SLBP: variants seen among roughly 807,000 people sequenced by gnomAD.
SLBP encodes the protein histone RNA hairpin-binding protein.
Under a neutral mutation model 39.2 loss-of-function variants are expected in SLBP, and 29 were observed. The observed-to-expected ratio is 0.74, with a 90% CI of 0.55 to 1.01. The LOEUF is 1.01. Among genes scored for constraint, SLBP ranks in the 50% least tolerant of loss-of-function variants. The pLI, the probability that SLBP is intolerant of heterozygous loss-of-function variation, is 0.00. For synonymous variants in SLBP, 129 were observed against 118.7 expected (o/e 1.09, Z -0.57); for missense variants, 390 against 350.2 (o/e 1.11, Z -0.91).
chr4:1,711,583 T>G (rs1716772546), intron 2 of SLBP, among the ~76,000 whole-genome samples: 1 of 152,216 alleles, frequency 6.6e-6, no homozygotes. Flanking sequence ...CACGAGAAGC[T>G]CGTCAGAGAC....
In SLBP at chr4:1,693,726, A is replaced by C. The variant is rs1476426774; in HGVS notation, c.697-13T>G. On this transcript the variant is annotated splice_polypyrimidine_tract_variant and intron_variant, in intron 7 of 7. Coordinates refer to ENST00000489418, the MANE Select transcript of SLBP (RefSeq NM_006527.4). Reference sequence around the variant, plus strand: ...CAGAGTACACATCCTGGAAAACAGAAGCATGGCTCGGTTGACATTCATCTC... The same window carrying C: ...CAGAGTACACATCCTGGAAAACAGACGCATGGCTCGGTTGACATTCATCTC... The C allele has an allele frequency of 4.5e-6, 7 of 1,551,038 alleles. No individual in the cohort carries two copies. The highest frequency in any genetic ancestry group is 1.4e-5 in the African/African-American group (1 of 73,662).
chr4:1,706,513 T>C (rs1716522451), intron 2 of SLBP, among the ~76,000 whole-genome samples: 1 of 152,154 alleles, frequency 6.6e-6, no homozygotes, highest in African/African-American at 2.4e-5. Flanking sequence ...TCAGTCAATA[T>C]TGGGAAATTT....
intron 6 of SLBP, among the ~76,000 whole-genome samples, 181 bp downstream of exon 6, chr4:1,696,021 C>A (rs1156357504): frequency 6.6e-6 from 1 of 152,162 alleles, no homozygotes; most frequent in Non-Finnish European, 1.5e-5. Flanking sequence ...GAAGCAAACT[C>A]TTCCTTCCAG....
chr4:1,710,892 A>C (rs1056664555), intron 2 of SLBP, among the ~76,000 whole-genome samples: 3 of 151,856 alleles, frequency 2.0e-5, no homozygotes, highest in African/African-American at 7.3e-5. Flanking sequence ...TCTACTACAA[A>C]TACAAAAAGT....
intron 2 of SLBP, among the ~76,000 whole-genome samples, chr4:1,708,910 T>C (rs760491711): frequency 1.2e-4 from 18 of 152,218 alleles, no homozygotes; most frequent in Non-Finnish European, 2.5e-4. Context: ...AAAACTTCCA[T>C]AACTTCTAAA....
intron 3 of SLBP, among the ~76,000 whole-genome samples, chr4:1,700,917 C>A (rs1308512040): frequency 6.6e-6 from 1 of 151,972 alleles, no homozygotes; most frequent in Non-Finnish European, 1.5e-5. Context: ...CTCTCAAAAT[C>A]TAAAATCCAC....
chr4:1,694,866 G>T (rs373018159), intron 6 of SLBP, 26 bp from the exon 7 acceptor site: 2 of 1,550,966 alleles, frequency 1.3e-6, no homozygotes, highest in Non-Finnish European at 1.8e-6. Context: ...CAACATGTGC[G>T]TCAGGCACTA....
rs769368040 is a variant in SLBP, at chr4:1,694,805, G to A, written c.665C>T (p.Ser222Phe). 6.2e-6 allele frequency: 10 copies of A among 1,613,846 alleles called. No individual in the cohort carries two copies. Among genetic ancestry groups the A allele is most frequent in the Non-Finnish European group, 7.6e-6 (9 of 1,179,720 alleles). Reference protein sequence around the residue: ...PVDLESAESSSEPQTSSQDDF... With the variant: ...PVDLESAESSFEPQTSSQDDF... ...ATCCTGAGAGCTGGTCTGGGGCTCG[G>A]AGCTGCTTTCTGCAGATTCAAGGTC... Residue 222 changes from serine to phenylalanine, a missense_variant, in exon 7 of 8, where the codon TCC becomes TTC. Ser to Phe is a radical substitution (Grantham distance 155). Transcript: ENST00000489418.
At chr4:1,700,811 C>T (rs1234661482) in intron 3 of SLBP, among the ~76,000 whole-genome samples, 1 of 152,114 alleles carries the variant, frequency 6.6e-6, no homozygotes, top group South Asian at 2.1e-4. Context: ...GCAATCCTCC[C>T]GCCTCAGCCT....
chr4:1,709,216 A>C (rs903080447), intron 2 of SLBP, among the ~76,000 whole-genome samples: 11 of 152,092 alleles, frequency 7.2e-5, no homozygotes, highest in Non-Finnish European at 1.6e-4. Context: ...GGCATGCGCC[A>C]CCATGCCCGA....
At position 1,693,455 on chromosome 4, in the gene SLBP, A is replaced by C. The variant is rs1715990793; in HGVS notation, c.*142T>G. ...TAAAATTAATGTTTCTTAAGAAAGT[A>C]AGGCAAAAATAATTCAGCATGAGCT... On this transcript the variant is annotated 3_prime_UTR_variant, in exon 8 of 8. Coordinates refer to ENST00000489418, the MANE Select transcript of SLBP (RefSeq NM_006527.4). 13 of 642,542 alleles carry C rather than the reference A, an allele frequency of 2.0e-5. No homozygotes were observed. In the South Asian group the frequency reaches 2.3e-4, roughly 11 times the overall value. The allele number at this position is 642,542 out of a possible 1,614,324, so 39.8% of individuals were successfully genotyped here. A position where few individuals can be genotyped will look rare whatever the true frequency, so the allele number is the denominator to read the frequency against.
intron 6 of SLBP, among the ~76,000 whole-genome samples, chr4:1,695,985 T>C (rs1266377664): frequency 6.6e-6 from 1 of 152,188 alleles, no homozygotes; most frequent in Non-Finnish European, 1.5e-5. Context: ...AGATTGACTT[T>C]GCTTGAAAAA....
In SLBP at chr4:1,693,557, C is replaced by T. The variant is rs376073141; in HGVS notation, c.*40G>A. The T allele has an allele frequency of 1.1e-4, 137 of 1,235,244 alleles. 1 individual carries two copies. The highest frequency in any genetic ancestry group is 8.3e-4 in the Middle Eastern group (4 of 4,836). 76.5% of individuals were successfully genotyped at this position (1,235,244 alleles called of 1,614,324 possible). A position where few individuals can be genotyped will look rare whatever the true frequency, so the allele number is the denominator to read the frequency against. On this transcript the variant is annotated 3_prime_UTR_variant, in exon 8 of 8. Transcript: ENST00000489418. Reference sequence around the variant, plus strand: ...GTGCCTGGCCAGCCTTCCACCTAGTCGGGGAGGAGCTGTTTCTCTTCCTGG... The same window carrying T: ...GTGCCTGGCCAGCCTTCCACCTAGTTGGGGAGGAGCTGTTTCTCTTCCTGG...
At position 1,706,035 on chromosome 4, in the gene SLBP, G is replaced by T. The variant is rs1017662048; in HGVS notation, c.177-2335C>A. On this transcript the variant is annotated intron_variant, in intron 2 of 7. Transcript: ENST00000489418. ...ACAGTGGCTCATACTTGTAATCCCAGCACTTTGGGGACGCCGAGGCGGGTG... is the reference window on the plus strand; with the variant it reads ...ACAGTGGCTCATACTTGTAATCCCATCACTTTGGGGACGCCGAGGCGGGTG... Among the ~76,000 whole-genome samples the T allele has an allele frequency of 3.3e-5, 5 of 152,300 alleles. No homozygotes were observed. In the East Asian group the frequency reaches 9.7e-4, roughly 29 times the overall value.
intron 3 of SLBP, among the ~76,000 whole-genome samples, chr4:1,703,335 C>T (rs1716400688): frequency 6.6e-6 from 1 of 152,046 alleles, no homozygotes; most frequent in Non-Finnish European, 1.5e-5. Context: ...GGAAGGATTA[C>T]CACCAAGAGG....
In SLBP at chr4:1,693,473, C is replaced by T; in HGVS notation, c.*124G>A. On this transcript the variant is annotated 3_prime_UTR_variant, in exon 8 of 8. Coordinates refer to ENST00000489418, the MANE Select transcript of SLBP (RefSeq NM_006527.4). Reference sequence around the variant, plus strand: ...AGAAAGTAAGGCAAAAATAATTCAGCATGAGCTAATGGACTGCTAACAGAG... The same window carrying T: ...AGAAAGTAAGGCAAAAATAATTCAGTATGAGCTAATGGACTGCTAACAGAG... 1.5e-6 allele frequency: 1 copy of T among 664,976 alleles called. No homozygotes were observed. Among genetic ancestry groups the T allele is most frequent in the Non-Finnish European group, 2.7e-6 (1 of 365,636 alleles). The allele number at this position is 664,976 out of a possible 1,614,324, so 41.2% of individuals were successfully genotyped here. A position where few individuals can be genotyped will look rare whatever the true frequency, so the allele number is the denominator to read the frequency against.
intron 6 of SLBP, among the ~76,000 whole-genome samples, 187 bp downstream of exon 6, chr4:1,696,015 C>T (rs191917516): frequency 7.2e-5 from 11 of 152,260 alleles, no homozygotes; most frequent in Admixed American, 7.2e-4. Flanking sequence ...ATCCAGGAAG[C>T]AAACTCTTCC....
chr4:1,697,564 G>A (rs1382315739), intron 5 of SLBP, among the ~76,000 whole-genome samples: 1 of 151,954 alleles, frequency 6.6e-6, no homozygotes, highest in East Asian at 1.9e-4. Context: ...ATCCGGGCCG[G>A]GTGCGGTGGC....
intron 2 of SLBP, among the ~76,000 whole-genome samples, chr4:1,709,068 CT>C (rs3993283): frequency 0.12 from 17,660 of 144,730 alleles, 1,339 homozygotes; most frequent in Non-Finnish European, 0.18. Flanking sequence ...AGTCTTTTGT[CT>C]TTTTTTTTTT....
Sources: allele counts gnomAD v4.1 joint callset (sites outside exome capture counted in the v4.1 genomes callset), GRCh38; gene constraint gnomAD v4.1.1; transcripts MANE v1.5; gene names NCBI Gene and HGNC (gene_info 2026-07-23, HGNC 2026-07-21).